The following FAF1 variants were observed in gnomAD, a reference collection of about 807,000 sequenced individuals.
FAF1 encodes the protein Fas associated factor 1, also known as FAS-associated factor 1.
A neutral mutation model predicts 92.5 loss-of-function variants in FAF1; 25 were observed. The observed-to-expected ratio is 0.27, with a 90% CI of 0.20 to 0.38. FAF1 has a LOEUF of 0.38. Ranked by LOEUF, FAF1 falls within the 10% of genes least tolerant of loss-of-function variation. FAF1 has a pLI of 1.00. For synonymous variants in FAF1, 234 were observed against 273.2 expected (o/e 0.86, Z 1.42); for missense variants, 636 against 793.3 (o/e 0.80, Z 2.38).
At chr1:50,488,426 T>C (rs12059456) in intron 17 of FAF1, among the ~76,000 whole-genome samples, 4,637 of 152,284 alleles carry the variant, frequency 0.03, 228 homozygotes, top group African/African-American at 0.11. Context: ...TTGTGTACCC[T>C]TGACATTTTA....
intron 17 of FAF1, among the ~76,000 whole-genome samples, chr1:50,482,195 T>C: frequency 6.6e-6 from 1 of 152,184 alleles, no homozygotes; most frequent in Non-Finnish European, 1.5e-5. Context: ...AGTTTTGTGT[T>C]TTCCAGAATG....
At chr1:50,668,654 C>T (rs1366573688) in intron 7 of FAF1, among the ~76,000 whole-genome samples, 1 of 152,178 alleles carries the variant, frequency 6.6e-6, no homozygotes, top group Non-Finnish European at 1.5e-5. Flanking sequence ...CTACTGCACA[C>T]CAAACCCTAA....
At chr1:50,506,035 G>A (rs1237076707) in intron 15 of FAF1, among the ~76,000 whole-genome samples, 1 of 152,166 alleles carries the variant, frequency 6.6e-6, no homozygotes, top group East Asian at 1.9e-4. Context: ...CTTTACATGT[G>A]CCAATAGTAG....
chr1:50,664,711 G>A (rs890749054), intron 7 of FAF1, among the ~76,000 whole-genome samples: 1 of 152,152 alleles, frequency 6.6e-6, no homozygotes, highest in African/African-American at 2.4e-5. Context: ...GGAGAATAGC[G>A]TGAACCCAGG....
Position 50,475,697 on chromosome 1 carries a change from CA to C in FAF1, c.1654-19del. The C allele has an allele frequency of 1.9e-6, 3 of 1,582,144 alleles. No individual in the cohort carries two copies. Among genetic ancestry groups the C allele is most frequent in the Non-Finnish European group, 2.6e-6 (3 of 1,156,324 alleles). On this transcript the variant is annotated intron_variant, in intron 17 of 18. Coordinates refer to ENST00000396153, the MANE Select transcript of FAF1 (RefSeq NM_007051.3). ...CGGATGGCCTAGGGAGAGCAAAAAC[CA>C]GGTGTTAAAATGTGAGAAGGACTGG... is the stretch of plus-strand genomic sequence containing the variant.
intron 7 of FAF1, among the ~76,000 whole-genome samples, chr1:50,692,105 A>G (rs1284740827): frequency 6.6e-6 from 1 of 152,010 alleles, no homozygotes; most frequent in Non-Finnish European, 1.5e-5. Context: ...AGTCCCATCT[A>G]CTCAGGTGGC....
chr1:50,896,670 T>C (rs1644759959), intron 1 of FAF1, among the ~76,000 whole-genome samples: 1 of 152,186 alleles, frequency 6.6e-6, no homozygotes, highest in Non-Finnish European at 1.5e-5. Context: ...CTAAATGAAA[T>C]AAGCCAGTTA....
intron 8 of FAF1, among the ~76,000 whole-genome samples, chr1:50,642,659 AT>A (rs1466406981): frequency 1.2e-4 from 18 of 152,066 alleles, no homozygotes; most frequent in Middle Eastern, 3.2e-3. Flanking sequence ...AAAAATAATA[AT>A]AATAAAATAA....
At chr1:50,697,069 T>G (rs1160116800) in intron 7 of FAF1, among the ~76,000 whole-genome samples, 1 of 152,226 alleles carries the variant, frequency 6.6e-6, no homozygotes, top group Non-Finnish European at 1.5e-5. Context: ...AAACCTGGGA[T>G]GTGAGGTGCT....
At chr1:50,540,852 C>T (rs1294782475) in intron 13 of FAF1, among the ~76,000 whole-genome samples, 2 of 152,230 alleles carry the variant, frequency 1.3e-5, no homozygotes, top group Middle Eastern at 6.8e-3. Flanking sequence ...AAAGGCAAAA[C>T]AGTGGAAATT....
chr1:50,936,351 G>T (rs758728173), intron 1 of FAF1, among the ~76,000 whole-genome samples: 8 of 152,112 alleles, frequency 5.3e-5, no homozygotes, highest in Non-Finnish European at 1.2e-4. Context: ...TAAAAAAGAA[G>T]AAGAATGAGA....
At chr1:50,642,962 TC>T (rs1654413648) in intron 8 of FAF1, among the ~76,000 whole-genome samples, 1 of 152,076 alleles carries the variant, frequency 6.6e-6, no homozygotes, top group Admixed American at 6.5e-5. Context: ...TGCCTCAGCC[TC>T]CCAAGTAGCT....
intron 4 of FAF1, among the ~76,000 whole-genome samples, chr1:50,745,370 G>C (rs1488115397): frequency 3.9e-5 from 6 of 152,018 alleles, no homozygotes; most frequent in Admixed American, 6.6e-5. Flanking sequence ...AATTTAAACT[G>C]TATTAAAGAG....
intron 8 of FAF1, among the ~76,000 whole-genome samples, chr1:50,604,567 G>A (rs1652290498): frequency 6.6e-6 from 1 of 152,082 alleles, no homozygotes; most frequent in African/African-American, 2.4e-5. Context: ...GAGTGCAGTG[G>A]TACAATCACG....
At chr1:50,850,076 G>A (rs1438090854) in intron 2 of FAF1, among the ~76,000 whole-genome samples, 1 of 151,118 alleles carries the variant, frequency 6.6e-6, no homozygotes, top group East Asian at 1.9e-4. Context: ...CTTCGGGTCA[G>A]CTTTAAAGGA....
At chr1:50,585,929 G>A (rs928279111) in intron 9 of FAF1, among the ~76,000 whole-genome samples, 22 of 149,804 alleles carry the variant, frequency 1.5e-4, no homozygotes, top group Non-Finnish European at 4.4e-5. Flanking sequence ...ATGGTGTGCC[G>A]CTGGTCTTAG....
At chr1:50,688,668 C>T (rs372655175) in intron 7 of FAF1, among the ~76,000 whole-genome samples, 10 of 152,018 alleles carry the variant, frequency 6.6e-5, no homozygotes, top group Admixed American at 2.0e-4. Context: ...CAAAATTAGC[C>T]GGGCGTTGTG....
At chr1:50,510,017 A>C (rs1224309461) in intron 15 of FAF1, among the ~76,000 whole-genome samples, 1 of 151,856 alleles carries the variant, frequency 6.6e-6, no homozygotes, top group Non-Finnish European at 1.5e-5. Flanking sequence ...AAATACAAAA[A>C]AATTAGCCGG....
At chr1:50,779,879 T>A (rs1462744335) in intron 4 of FAF1, among the ~76,000 whole-genome samples, 2 of 151,082 alleles carry the variant, frequency 1.3e-5, no homozygotes, top group Non-Finnish European at 2.9e-5. Flanking sequence ...ACCAGGGAAT[T>A]CAAGACCAGC....
Sources: allele counts gnomAD v4.1 joint callset (sites outside exome capture counted in the v4.1 genomes callset), GRCh38; gene constraint gnomAD v4.1.1; transcripts MANE v1.5; gene names NCBI Gene and HGNC (gene_info 2026-07-23, HGNC 2026-07-21).